Variants in SYNPR observed in about 807,000 individuals in gnomAD.
SYNPR encodes the protein synaptoporin.
Under a neutral mutation model 32.9 loss-of-function variants are expected in SYNPR, and 23 were observed. That is an observed-to-expected ratio of 0.70 (90% CI 0.50 to 0.99). SYNPR has a LOEUF of 0.99. Ranked by LOEUF, SYNPR falls within the 50% of genes least tolerant of loss-of-function variation. The probability of loss-of-function intolerance (pLI) is 0.00; values close to 1 mark genes in which losing one functional copy is unlikely to be tolerated. For missense variants in SYNPR, 318 were observed against 349.3 expected (o/e 0.91, Z 0.71); for synonymous variants, 146 against 135.9 (o/e 1.07, Z -0.52).
At chr3:63,406,857 C>A (rs893362289) in intron 2 of SYNPR, among the ~76,000 whole-genome samples, 1 of 152,132 alleles carries the variant, frequency 6.6e-6, no homozygotes, top group African/African-American at 2.4e-5. Context: ...ATGACCAGAA[C>A]ATAAGTTCCA....
chr3:63,556,887 A>G, intron 4 of SYNPR, 146 bp downstream of exon 4: 1 of 807,814 alleles, frequency 1.2e-6, no homozygotes, highest in East Asian at 2.7e-5. Context: ...TCTCGAAGCC[A>G]CAACAAAAAC....
intron 2 of SYNPR, chr3:63,252,692 C>T (rs750610678): frequency 6.6e-6 from 1 of 152,136 alleles, no homozygotes. Flanking sequence ...TATGGTCATG[C>T]ATGCAGTTAA....
chr3:63,364,465 T>C (rs2087706028), intron 2 of SYNPR, among the ~76,000 whole-genome samples: 1 of 152,202 alleles, frequency 6.6e-6, no homozygotes, highest in Admixed American at 6.5e-5. Context: ...ATTTTGCTAT[T>C]TCTTTTTTTA....
chr3:63,548,849 G>C (rs1259789060), intron 3 of SYNPR, among the ~76,000 whole-genome samples: 1 of 152,116 alleles, frequency 6.6e-6, no homozygotes, highest in Non-Finnish European at 1.5e-5. Context: ...TGTCATTTCT[G>C]TCTTGCACTG....
intron 3 of SYNPR, among the ~76,000 whole-genome samples, chr3:63,501,172 T>C (rs922960150): frequency 6.6e-6 from 1 of 152,024 alleles, no homozygotes; most frequent in Non-Finnish European, 1.5e-5. Flanking sequence ...ACTCACCTCA[T>C]AGGGTTATTA....
At chr3:63,339,903 C>T (rs1349195396) in intron 2 of SYNPR, among the ~76,000 whole-genome samples, 2 of 152,112 alleles carry the variant, frequency 1.3e-5, no homozygotes, top group African/African-American at 2.4e-5. Flanking sequence ...GTGATCTGCC[C>T]GCCTCGGCCT....
intron 3 of SYNPR, among the ~76,000 whole-genome samples, chr3:63,525,537 A>T (rs1701996483): frequency 6.6e-6 from 1 of 152,214 alleles, no homozygotes. Context: ...GGATCAGGTG[A>T]GTAGCAGGGT....
intron 3 of SYNPR, among the ~76,000 whole-genome samples, chr3:63,528,428 A>C (rs1702054935): frequency 6.6e-6 from 1 of 152,084 alleles, no homozygotes; most frequent in Admixed American, 6.5e-5. Context: ...TTGATGGAGC[A>C]TCTCAAGAGA....
At chr3:63,218,307 T>C in the SYNPR span, among the ~76,000 whole-genome samples, 2 of 152,174 alleles carry the variant, frequency 1.3e-5, no homozygotes, top group Admixed American at 1.3e-4. Context: ...TGTTTCCCCA[T>C]TGTTCTCTAA....
At chr3:63,470,088 G>T (rs370750313) in intron 2 of SYNPR, among the ~76,000 whole-genome samples, 1 of 152,108 alleles carries the variant, frequency 6.6e-6, no homozygotes, top group African/African-American at 2.4e-5. Flanking sequence ...AACTAAAACC[G>T]AGATTCTGAC....
chr3:63,559,021 T>C (rs1249743163), intron 4 of SYNPR, among the ~76,000 whole-genome samples: 2 of 151,760 alleles, frequency 1.3e-5, no homozygotes, highest in African/African-American at 4.8e-5. Flanking sequence ...GTTCCATTGA[T>C]ACATTTAAAA....
intron 4 of SYNPR, among the ~76,000 whole-genome samples, chr3:63,569,073 A>G (rs1279200284): frequency 2.0e-5 from 3 of 152,212 alleles, no homozygotes; most frequent in Non-Finnish European, 2.9e-5. Context: ...AAGTAACTCT[A>G]CTAGTATTTT....
At chr3:63,595,857 A>G (rs1365390982) in intron 4 of SYNPR, among the ~76,000 whole-genome samples, 5 of 84,158 alleles carry the variant, frequency 5.9e-5, no homozygotes, top group African/African-American at 2.3e-4. Flanking sequence ...TTATATATAT[A>G]TAGTTATATA....
intron 2 of SYNPR, among the ~76,000 whole-genome samples, chr3:63,475,799 A>G (rs1345389227): frequency 2.6e-5 from 4 of 152,048 alleles, no homozygotes; most frequent in Non-Finnish European, 5.9e-5. Flanking sequence ...TCCTGGCTAT[A>G]TAACAGAAAG....
intron 4 of SYNPR, among the ~76,000 whole-genome samples, chr3:63,583,045 T>C (rs1703120563): frequency 6.6e-6 from 1 of 152,050 alleles, no homozygotes; most frequent in Non-Finnish European, 1.5e-5. Context: ...GGCAGCTTTA[T>C]AGGACTGGGG....
chr3:63,370,824 A>C (rs1199079153), intron 2 of SYNPR, among the ~76,000 whole-genome samples: 1 of 152,216 alleles, frequency 6.6e-6, no homozygotes, highest in Non-Finnish European at 1.5e-5. Context: ...CCTTGTAAAA[A>C]TTTAGAGTAC....
intron 2 of SYNPR, among the ~76,000 whole-genome samples, chr3:63,410,441 G>C (rs1200397141): frequency 6.6e-6 from 1 of 152,126 alleles, no homozygotes; most frequent in African/African-American, 2.4e-5. Flanking sequence ...GCAGATAGCA[G>C]GCTAATTTCC....
At chr3:63,412,717 G>A (rs796454979) in intron 2 of SYNPR, among the ~76,000 whole-genome samples, 17 of 152,138 alleles carry the variant, frequency 1.1e-4, no homozygotes, top group African/African-American at 3.4e-4. Context: ...TTTGGATGAA[G>A]GAAGAGAGTT....
intron 3 of SYNPR, among the ~76,000 whole-genome samples, chr3:63,537,758 A>G (rs1040088128): frequency 2.6e-5 from 4 of 152,278 alleles, no homozygotes; most frequent in African/African-American, 9.6e-5. Context: ...GTGGAAATCC[A>G]TGCTACAATT....
Sources: allele counts gnomAD v4.1 joint callset (sites outside exome capture counted in the v4.1 genomes callset), GRCh38; gene constraint gnomAD v4.1.1; transcripts MANE v1.5; gene names NCBI Gene and HGNC (gene_info 2026-07-23, HGNC 2026-07-21).